Variants in GRAMD4 observed in about 807,000 individuals in gnomAD.
GRAMD4 encodes GRAM domain-containing protein 4.
GRAMD4 carries 25 observed loss-of-function variants against 83.9 expected under a neutral mutation model. The observed-to-expected ratio is 0.30, with a 90% CI of 0.22 to 0.42. The LOEUF (loss-of-function observed/expected upper bound fraction) is 0.42, where lower values mean the gene tolerates loss of function less well. GRAMD4 is among the 10% of genes least tolerant of loss of function. The pLI is 1.00. For missense variants in GRAMD4, 593 were observed against 788.7 expected, an observed-to-expected ratio of 0.75 and a Z score of 2.97; for synonymous variants, 336 against 320.9, an observed-to-expected ratio of 1.05 and a Z score of -0.50.
intron 1 of GRAMD4, among the ~76,000 whole-genome samples, chr22:46,582,994 A>T (rs2081112956): frequency 6.6e-6 from 1 of 152,092 alleles, no homozygotes. Context: ...GTGCGATCTC[A>T]GCTCACCACA....
Position 46,678,106 on chromosome 22 carries a change from C to G in GRAMD4, c.*855C>G. The G allele has an allele frequency of 1.0e-6, 1 of 985,594 alleles. No homozygotes were observed. Among genetic ancestry groups the G allele is most frequent in the Non-Finnish European group, 1.2e-6 (1 of 830,032 alleles). The allele number at this position is 985,594 out of a possible 1,614,324, so 61.1% of individuals were successfully genotyped here. ...CTCTTTGGAAGGCCCAGGAGAACAT[C>G]CGCGAAGGCTGTTGGAGGTGCTCCG... On this transcript the variant is annotated 3_prime_UTR_variant, in exon 19 of 19. Transcript: ENST00000406902.
At chr22:46,602,789 C>G (rs2081324519) in intron 1 of GRAMD4, among the ~76,000 whole-genome samples, 1 of 109,922 alleles carries the variant, frequency 9.1e-6, no homozygotes, top group Admixed American at 1.3e-4. Context: ...GAGGCAGAGT[C>G]TCTGTCTTCC....
At chr22:46,632,304 G>A (rs574090698) in intron 2 of GRAMD4, among the ~76,000 whole-genome samples, 1 of 152,218 alleles carries the variant, frequency 6.6e-6, no homozygotes, top group Non-Finnish European at 1.5e-5. Flanking sequence ...CTTAGGGCTG[G>A]GGCAGCGTCT....
In GRAMD4 at chr22:46,590,541, G is replaced by A. The variant is rs1602300603; in HGVS notation, c.-50+13251G>A. Among the ~76,000 whole-genome samples, 5 of 152,356 alleles carry A rather than the reference G, an allele frequency of 3.3e-5. No individual in the cohort carries two copies. In the South Asian group the frequency reaches 1.0e-3, roughly 32 times the overall value. Reference sequence around the variant, plus strand: ...TGCCGTTAACACCCAGTCAGCTGGTGTCTGCCTGTTGCTCGTGACTGGCCT... The same window carrying A: ...TGCCGTTAACACCCAGTCAGCTGGTATCTGCCTGTTGCTCGTGACTGGCCT... On this transcript the variant is annotated intron_variant, in intron 1 of 1. Coordinates refer to the GRAMD4 transcript ENST00000431155.
At position 46,620,596 on chromosome 22, in the gene GRAMD4, C is replaced by T. The variant is rs1228642891; in HGVS notation, c.-50+31C>T. On this transcript the variant is annotated intron_variant, in intron 1 of 18. Transcript: ENST00000406902. The surrounding 1 kb of genome is among the most constrained non-coding windows in gnomAD (Gnocchi z 4.7). ...GGGCAGGGGGCAGGGGGCAGGGGGA[C>T]ATGGTAGGGCCCATCTGAGTGGAAG... 1.7e-6 allele frequency: 1 copy of T among 602,772 alleles called. No homozygotes were observed. Among genetic ancestry groups the T allele is most frequent in the Non-Finnish European group, 2.1e-6 (1 of 484,458 alleles). The allele number at this position is 602,772 out of a possible 1,614,324, so 37.3% of individuals were successfully genotyped here.
At chr22:46,648,271 A>G (rs897305767) in intron 3 of GRAMD4, among the ~76,000 whole-genome samples, 2 of 148,468 alleles carry the variant, frequency 1.3e-5, no homozygotes, top group Non-Finnish European at 3.0e-5. Flanking sequence ...AGGTAAATGG[A>G]TGGGTAAATG....
chr22:46,680,607 CATCCAT>C (rs1292825511), downstream of GRAMD4, among the ~76,000 whole-genome samples: 23 of 132,062 alleles, frequency 1.7e-4, no homozygotes, highest in African/African-American at 5.0e-4. Context: ...CCCACCCATT[CATCCAT>C]CCACCCACCC....
intron 16 of GRAMD4, among the ~76,000 whole-genome samples, chr22:46,674,985 T>G (rs1249299533): frequency 1.3e-5 from 2 of 152,146 alleles, no homozygotes; most frequent in African/African-American, 4.8e-5. Context: ...GATGCTGTCT[T>G]CTCTGGGGCC....
intron 6 of GRAMD4, 63 bp from the exon 7 acceptor site, chr22:46,663,775 T>TGGGGACTGC (rs1450716785): frequency 1.9e-5 from 30 of 1,544,174 alleles, no homozygotes; most frequent in Non-Finnish European, 2.7e-5. Context: ...AACCGGGCAG[T>TGGGGACTGC]GGGGACTGCA....
At chr22:46,650,122 C>T (rs190697367) in intron 3 of GRAMD4, among the ~76,000 whole-genome samples, 4 of 152,340 alleles carry the variant, frequency 2.6e-5, no homozygotes, top group South Asian at 4.1e-4. Context: ...TCTGAGTTCG[C>T]GCCCCTGGCC....
intron 1 of GRAMD4, among the ~76,000 whole-genome samples, chr22:46,599,572 C>T (rs868473240): frequency 6.6e-6 from 1 of 152,290 alleles, no homozygotes; most frequent in African/African-American, 2.4e-5. Flanking sequence ...GGTGACCCAC[C>T]CGCCTCGGCC....
intron 3 of GRAMD4, among the ~76,000 whole-genome samples, chr22:46,644,695 C>CTGT (rs869035775): frequency 1.3e-5 from 1 of 76,758 alleles, no homozygotes; most frequent in Admixed American, 1.3e-4. Context: ...CACTTGTTCC[C>CTGT]TGTTTTTTTT....
At chr22:46,593,689 C>T (rs1354807551) in intron 1 of GRAMD4, among the ~76,000 whole-genome samples, 6 of 152,004 alleles carry the variant, frequency 3.9e-5, no homozygotes, top group Non-Finnish European at 4.4e-5. Flanking sequence ...TGCTGTTGGG[C>T]GTCTGTGCAT....
intron 1 of GRAMD4, among the ~76,000 whole-genome samples, chr22:46,603,715 A>C: frequency 6.7e-6 from 1 of 149,216 alleles, no homozygotes; most frequent in East Asian, 2.0e-4. Context: ...ACGGGGTTTC[A>C]ATGTGTTAGC....
At chr22:46,605,715 T>A (rs898907561) in intron 1 of GRAMD4, among the ~76,000 whole-genome samples, 1 of 149,114 alleles carries the variant, frequency 6.7e-6, no homozygotes, top group Non-Finnish European at 1.5e-5. Context: ...GCTGAGCATC[T>A]CTGCATGGGC....
At chr22:46,596,431 T>G (rs2081262643) in intron 1 of GRAMD4, among the ~76,000 whole-genome samples, 1 of 152,252 alleles carries the variant, frequency 6.6e-6, no homozygotes, top group Non-Finnish European at 1.5e-5. Context: ...GGGTGGGTGC[T>G]GGTGCCTCCT....
chr22:46,595,189 G>A (rs1315998997), intron 1 of GRAMD4, among the ~76,000 whole-genome samples: 3 of 152,158 alleles, frequency 2.0e-5, no homozygotes, highest in East Asian at 3.9e-4. Flanking sequence ...AGAGGGGCAC[G>A]TTTTCAATCC....
At position 46,637,974 on chromosome 22, in the gene GRAMD4, A is replaced by G; in HGVS notation, c.283+14A>G. 1 of 1,612,186 alleles carries G rather than the reference A, an allele frequency of 6.2e-7. No homozygotes were observed. Among genetic ancestry groups the G allele is most frequent in the Middle Eastern group, 1.7e-4 (1 of 6,048 alleles). The stretch of plus-strand genomic sequence containing the variant: ...AACATTTCTTACGTGAGTACCAGAA[A>G]GCGCTTGGAGGGGATGGGACAAGGT... On this transcript the variant is annotated intron_variant, in intron 3 of 18. Transcript: ENST00000406902.
chr22:46,659,250 CCT>C lies in GRAMD4; in HGVS notation c.404+945_404+946del, dbSNP rs2082292892. Among the ~76,000 whole-genome samples, 1 of 149,786 alleles carries C rather than the reference CCT, an allele frequency of 6.7e-6. No individual in the cohort carries two copies. Among genetic ancestry groups the C allele is most frequent in the Non-Finnish European group, 1.5e-5 (1 of 67,780 alleles). ...CAGCCTCCACTCCCTCAGCCTCCCCCCTCAGTCTCCACCCTCAGTTTCTGCCC... is the reference window on the plus strand; with the variant it reads ...CAGCCTCCACTCCCTCAGCCTCCCCCCAGTCTCCACCCTCAGTTTCTGCCC... On this transcript the variant is annotated intron_variant, in intron 4 of 18. Coordinates refer to ENST00000406902, the MANE Select transcript of GRAMD4 (RefSeq NM_015124.5). The surrounding 1 kb of genome is among the most constrained non-coding windows in gnomAD (Gnocchi z 4.1).
Sources: gnomAD v4.1 joint callset for allele counts (sites outside exome capture counted in the v4.1 genomes callset) on GRCh38, gnomAD v4.1.1 for gene constraint, Gnocchi (gnomAD v3.1) non-coding constraint, MANE v1.5 for transcripts, NCBI Gene and HGNC (gene_info 2026-07-23, HGNC 2026-07-21) for gene names.